SMG6: variants seen among roughly 807,000 people sequenced by gnomAD.
SMG6 encodes the protein SMG6 nonsense mediated mRNA decay factor.
SMG6 carries 66 observed loss-of-function variants against 142.2 expected under a neutral mutation model. That is an observed-to-expected ratio of 0.46 (90% CI 0.38 to 0.57). The LOEUF (loss-of-function observed/expected upper bound fraction) is 0.57. SMG6 is among the 20% of genes least tolerant of loss of function. SMG6 has a pLI of 0.00. For missense variants in SMG6, 1,793 were observed against 1,832.0 expected (o/e 0.98, Z 0.39); for synonymous variants, 779 against 702.4 (o/e 1.11, Z -1.72).
intron 10 of SMG6, among the ~76,000 whole-genome samples, chr17:2,215,225 G>A (rs62069335): frequency 4.8e-4 from 27 of 56,122 alleles, no homozygotes; most frequent in African/African-American, 8.1e-4. Context: ...ACACACACAC[G>A]CGCGCGCACA....
chr17:2,121,003 A>T (rs2069672123), intron 13 of SMG6, among the ~76,000 whole-genome samples: 1 of 152,192 alleles, frequency 6.6e-6, no homozygotes, highest in Non-Finnish European at 1.5e-5. Context: ...AAAGCTCATA[A>T]TGTTTTAAGA....
intron 4 of SMG6, among the ~76,000 whole-genome samples, chr17:2,294,525 C>T (rs560503216): frequency 6.6e-5 from 10 of 152,312 alleles, no homozygotes; most frequent in Non-Finnish European, 1.0e-4. Flanking sequence ...TAACACACCA[C>T]GGTGTTCTCC....
intron 8 of SMG6, among the ~76,000 whole-genome samples, chr17:2,272,348 C>G (rs1297119741): frequency 6.6e-6 from 1 of 152,212 alleles, no homozygotes; most frequent in Non-Finnish European, 1.5e-5. Flanking sequence ...CCAAACCATG[C>G]CTCTGCCAGG....
At chr17:2,136,575 C>G (rs1171221889) in intron 13 of SMG6, among the ~76,000 whole-genome samples, 1 of 152,106 alleles carries the variant, frequency 6.6e-6, no homozygotes, top group South Asian at 2.1e-4. Flanking sequence ...GGAATAGACA[C>G]ATATGTTCAA....
chr17:2,244,051 G>A (rs374494083), intron 9 of SMG6, among the ~76,000 whole-genome samples: 11 of 152,294 alleles, frequency 7.2e-5, no homozygotes, highest in South Asian at 6.2e-4. Flanking sequence ...CTCAAAACTC[G>A]ATCTGTTTCC....
intron 10 of SMG6, among the ~76,000 whole-genome samples, chr17:2,224,211 A>G (rs2073253794): frequency 1.3e-5 from 2 of 152,174 alleles, no homozygotes; most frequent in South Asian, 4.1e-4. Flanking sequence ...TACCTGATGA[A>G]CTCGAGCTTT....
chr17:2,258,052 C>T (rs1372265611), intron 8 of SMG6, among the ~76,000 whole-genome samples: 2 of 122,366 alleles, frequency 1.6e-5, no homozygotes, highest in South Asian at 2.6e-4. Flanking sequence ...CACACACACA[C>T]ACACACACAC....
At chr17:2,114,566 C>T (rs2069439174) in intron 13 of SMG6, among the ~76,000 whole-genome samples, 1 of 152,064 alleles carries the variant, frequency 6.6e-6, no homozygotes, top group African/African-American at 2.4e-5. Context: ...ACCTTAGCGG[C>T]AGTACCACAT....
intron 12 of SMG6, among the ~76,000 whole-genome samples, chr17:2,178,217 G>C (rs1333351070): frequency 6.6e-6 from 1 of 152,136 alleles, no homozygotes; most frequent in African/African-American, 2.4e-5. Flanking sequence ...GCTGGAGATG[G>C]GGAGAATTCT....
intron 1 of SMG6, 67 bp downstream of exon 1, chr17:2,303,566 G>A: frequency 2.9e-6 from 4 of 1,365,430 alleles, no homozygotes; most frequent in Non-Finnish European, 2.8e-6. Context: ...GCGGGGAGGA[G>A]GCAGAGGAGG....
chr17:2,078,521 G>A (rs1211375581), intron 15 of SMG6, among the ~76,000 whole-genome samples: 5 of 151,988 alleles, frequency 3.3e-5, no homozygotes, highest in East Asian at 1.9e-4. Flanking sequence ...ACAGGCACCC[G>A]CCACAACACT....
intron 10 of SMG6, among the ~76,000 whole-genome samples, chr17:2,221,514 T>C (rs995761605): frequency 1.3e-5 from 2 of 152,188 alleles, no homozygotes; most frequent in Non-Finnish European, 2.9e-5. Flanking sequence ...CAGCCTCAGG[T>C]ATGTCTTTAT....
chr17:2,171,991 T>C (rs2071517767), intron 13 of SMG6, among the ~76,000 whole-genome samples: 1 of 152,168 alleles, frequency 6.6e-6, no homozygotes, highest in Non-Finnish European at 1.5e-5. Context: ...CCGACTGGAC[T>C]ACCCCTACTC....
chr17:2,102,466 C>T lies in SMG6; in HGVS notation c.3358-16565G>A, dbSNP rs558358273. Among the ~76,000 whole-genome samples, 6 of 151,964 alleles carry T rather than the reference C, an allele frequency of 3.9e-5. No homozygotes were observed. The South Asian group carries it at 1.2e-3, about 32-fold the overall frequency. On this transcript the variant is annotated intron_variant, in intron 13 of 18. Coordinates refer to ENST00000263073, the MANE Select transcript of SMG6 (RefSeq NM_017575.5). ...TCACTTCCCAGGCTCAAGTGATCTT[C>T]CCGCCTCAGCCTCCCAAGTAGCTGG... is the stretch of plus-strand genomic sequence containing the variant.
chr17:2,259,829 G>A (rs1166497638), intron 8 of SMG6, among the ~76,000 whole-genome samples: 1 of 152,178 alleles, frequency 6.6e-6, no homozygotes, highest in Non-Finnish European at 1.5e-5. Context: ...AAAGGGAGGA[G>A]CACGAACTAA....
At chr17:2,230,976 T>G (rs1384256735) in intron 10 of SMG6, among the ~76,000 whole-genome samples, 1 of 152,082 alleles carries the variant, frequency 6.6e-6, no homozygotes, top group African/African-American at 2.4e-5. Context: ...GCCCAAGGGT[T>G]TCTACCACCA....
rs869173398 is a variant in SMG6 at position 2,258,038 on chromosome 17, TACACACACACACACAC to T, written c.2662-13335_2662-13320del. Among the ~76,000 whole-genome samples, 235 of 89,286 alleles carry T rather than the reference TACACACACACACACAC, an allele frequency of 2.6e-3. 3 individuals carry two copies. Among genetic ancestry groups the T allele is most frequent in the African/African-American group, 0.01 (218 of 21,620 alleles). 58.6% of individuals were successfully genotyped at this position (89,286 alleles called of 152,430 possible). On this transcript the variant is annotated intron_variant, in intron 8 of 18. Coordinates refer to ENST00000263073, the MANE Select transcript of SMG6 (RefSeq NM_017575.5). ...AAAAAAAAAAAAAAAAAAAAAAATA[TACACACACACACACAC>T]ACACACACACACATATATATACATA...
In SMG6 at chr17:2,300,200, T is replaced by C; in HGVS notation, c.553A>G (p.Asn185Asp). Residue 185 changes from asparagine to aspartate, a missense_variant, in exon 2 of 19, where the codon AAT (asparagine) becomes GAT (aspartate). By Grantham distance (23) the Asn-to-Asp change is conservative. Transcript: ENST00000263073. ...TTCGCAACTTCCTCCTTCGCAACAT[T>C]TCCCCTACACTCATCTTCCTCTACT... ...LRVEEDECRG[N>D]VAKEEVANKP... The C allele has an allele frequency of 6.2e-7, 1 of 1,614,124 alleles. No individual in the cohort carries two copies. Among genetic ancestry groups the C allele is most frequent in the Non-Finnish European group, 8.5e-7 (1 of 1,180,032 alleles).
intron 10 of SMG6, among the ~76,000 whole-genome samples, chr17:2,205,807 A>G (rs2072660621): frequency 6.6e-6 from 1 of 152,038 alleles, no homozygotes; most frequent in Admixed American, 6.6e-5. Flanking sequence ...ATATATGTGT[A>G]TATATATTTT....
Sources: allele counts gnomAD v4.1 joint callset (sites outside exome capture counted in the v4.1 genomes callset), GRCh38; gene constraint gnomAD v4.1.1; transcripts MANE v1.5; gene names NCBI Gene and HGNC (gene_info 2026-07-23, HGNC 2026-07-21).